COA5: variants seen among roughly 807,000 people sequenced by gnomAD.
COA5 encodes the protein cytochrome c oxidase assembly factor 5, also known as protein C2orf64.
Under a neutral mutation model 11.8 loss-of-function variants are expected in COA5, and 11 were observed. That is an observed-to-expected ratio of 0.93 (90% confidence interval 0.59 to 1.54). The LOEUF is 1.54. COA5 is among the 40% of genes most tolerant of loss of function. COA5 has a pLI of 0.00. For missense variants in COA5, 87 were observed against 89.2 expected, an observed-to-expected ratio of 0.97 and a Z score of 0.10; for synonymous variants, 38 against 37.5, an observed-to-expected ratio of 1.01 and a Z score of -0.05.
intron 1 of COA5, among the ~76,000 whole-genome samples, chr2:98,605,353 T>A (rs1056288635): frequency 2.0e-5 from 3 of 152,174 alleles, no homozygotes; most frequent in Non-Finnish European, 2.9e-5. Flanking sequence ...CTTCACTCCA[T>A]AAGGTTGCCG....
At chr2:98,605,288 GA>G (rs1187865022) in intron 1 of COA5, among the ~76,000 whole-genome samples, 1 of 152,216 alleles carries the variant, frequency 6.6e-6, no homozygotes. Flanking sequence ...GAATGTGTGG[GA>G]AACAGGTGTA....
In COA5 at chr2:98,608,452, C is replaced by T; in HGVS notation, c.-47G>A. 1.4e-6 allele frequency: 2 copies of T among 1,407,498 alleles called. No homozygotes were observed. Among genetic ancestry groups the T allele is most frequent in the Non-Finnish European group, 2.0e-6 (2 of 1,020,060 alleles). 87.2% of individuals were successfully genotyped at this position (1,407,498 alleles called of 1,614,324 possible). On this transcript the variant is annotated 5_prime_UTR_variant, in exon 1 of 3. Transcript: ENST00000328709. The stretch of plus-strand genomic sequence containing the variant: ...CGGACGCGACTTTCTCCCACCGCAA[C>T]ACTTGCAACCGGGTCGGGAGCGAGC...
At position 98,608,511 on chromosome 2, in the gene COA5, G is replaced by A; in HGVS notation, c.-106C>T. The A allele has an allele frequency of 2.2e-6, 2 of 894,560 alleles. No homozygotes were observed. Among genetic ancestry groups the A allele is most frequent in the Non-Finnish European group, 1.8e-6 (1 of 560,372 alleles). The allele number at this position is 894,560 out of a possible 1,614,324, so 55.4% of individuals were successfully genotyped here. On this transcript the variant is annotated 5_prime_UTR_variant, in exon 1 of 3. Coordinates refer to ENST00000328709, the MANE Select transcript of COA5 (RefSeq NM_001008215.3). ...AGTCTCAGGGGACCGGAAGCCAGCGGCAACAACTTCCGGCGGGCCGCGGCG... is the reference window on the plus strand; with the variant it reads ...AGTCTCAGGGGACCGGAAGCCAGCGACAACAACTTCCGGCGGGCCGCGGCG...
In COA5 at chr2:98,600,425, T is replaced by C. The variant is rs746395947; in HGVS notation, c.*327A>G. On this transcript the variant is annotated 3_prime_UTR_variant, in exon 3 of 3. Transcript: ENST00000328709. The stretch of plus-strand genomic sequence containing the variant: ...CAGTCAAATCAGTGGCCTGTACTAA[T>C]TGGGTAATTCAATTGAAGAGTCAAG... 11 of 377,830 alleles carry C rather than the reference T, an allele frequency of 2.9e-5. No homozygotes were observed. The highest frequency in any genetic ancestry group is 7.6e-5 in the South Asian group (3 of 39,328). The allele number at this position is 377,830 out of a possible 1,614,324, so 23.4% of individuals were successfully genotyped here. A position where few individuals can be genotyped will look rare whatever the true frequency, so the allele number is the denominator to read the frequency against.
intron 1 of COA5, 161 bp downstream of exon 1, chr2:98,608,146 C>T: frequency 1.6e-6 from 1 of 643,936 alleles, no homozygotes; most frequent in Admixed American, 2.4e-5. Context: ...ACTGGGGCTC[C>T]GACAGCTCAG....
At chr2:98,607,268 T>C (rs1403917519) in intron 1 of COA5, among the ~76,000 whole-genome samples, 1 of 152,216 alleles carries the variant, frequency 6.6e-6, no homozygotes, top group Non-Finnish European at 1.5e-5. Flanking sequence ...AGGAGCTGGC[T>C]GAACGGCAGC....
intron 2 of COA5, among the ~76,000 whole-genome samples, chr2:98,601,012 G>A (rs769037084): frequency 3.3e-5 from 5 of 152,158 alleles, no homozygotes; most frequent in Admixed American, 6.5e-5. Flanking sequence ...TTGGGATGAT[G>A]AGGTGGGCGG....
chr2:98,608,496 G>T lies in COA5; in HGVS notation c.-91C>A. 9.7e-7 allele frequency: 1 copy of T among 1,028,296 alleles called. No individual in the cohort carries two copies. Among genetic ancestry groups the T allele is most frequent in the Non-Finnish European group, 1.5e-6 (1 of 681,850 alleles). The allele number at this position is 1,028,296 out of a possible 1,614,324, so 63.7% of individuals were successfully genotyped here. On this transcript the variant is annotated 5_prime_UTR_variant, in exon 1 of 3. Transcript: ENST00000328709. Reference sequence around the variant, plus strand: ...AGCGAGCGAGGCCCCAGTCTCAGGGGACCGGAAGCCAGCGGCAACAACTTC... The same window carrying T: ...AGCGAGCGAGGCCCCAGTCTCAGGGTACCGGAAGCCAGCGGCAACAACTTC...
intron 2 of COA5, among the ~76,000 whole-genome samples, chr2:98,601,609 T>C (rs1700642544): frequency 6.6e-6 from 1 of 152,170 alleles, no homozygotes; most frequent in African/African-American, 2.4e-5. Context: ...GCATAGTCAA[T>C]GTCACTCCCC....
intron 2 of COA5, among the ~76,000 whole-genome samples, 178 bp from the exon 3 acceptor site, chr2:98,600,971 C>T (rs1025016210): frequency 1.3e-5 from 2 of 152,136 alleles, no homozygotes; most frequent in African/African-American, 4.8e-5. Flanking sequence ...ATTGGCAGGG[C>T]ACAGTGGCTC....
chr2:98,604,022 T>TATA, intron 2 of COA5, 86 bp downstream of exon 2: 1 of 979,756 alleles, frequency 1.0e-6, no homozygotes, highest in Non-Finnish European at 1.6e-6. Context: ...CACTGCAACT[T>TATA]ACCTATAACT....
intron 2 of COA5, chr2:98,602,754 T>C (rs1700658201): frequency 6.5e-6 from 1 of 154,466 alleles, no homozygotes; most frequent in African/African-American, 2.4e-5. Context: ...CATTTTACTT[T>C]TTATGTAAGA....
intron 2 of COA5, among the ~76,000 whole-genome samples, chr2:98,602,103 TA>T (rs1029525789): frequency 6.6e-6 from 1 of 151,876 alleles, no homozygotes; most frequent in Non-Finnish European, 1.5e-5. Context: ...GCCATACTTT[TA>T]AAAAAAAATT....
intron 1 of COA5, among the ~76,000 whole-genome samples, chr2:98,607,794 G>A (rs1700730478): frequency 6.6e-6 from 1 of 152,158 alleles, no homozygotes; most frequent in Admixed American, 6.5e-5. Context: ...ATATGGAGTT[G>A]CCTTATTTTT....
At chr2:98,608,179 G>A (rs1700737414) in intron 1 of COA5, 128 bp downstream of exon 1, 2 of 711,428 alleles carry the variant, frequency 2.8e-6, no homozygotes, top group South Asian at 3.1e-5. Context: ...CGTTCAGTGA[G>A]CCCGAGCTGT....
At chr2:98,607,374 G>A (rs1314429737) in intron 1 of COA5, among the ~76,000 whole-genome samples, 1 of 152,200 alleles carries the variant, frequency 6.6e-6, no homozygotes, top group Non-Finnish European at 1.5e-5. Flanking sequence ...GAAGTTGGGC[G>A]AGATAATCTC....
rs1700623888 is a variant in COA5, at chr2:98,600,279, T to C, written c.*473A>G. 5.5e-6 allele frequency: 1 copy of C among 182,584 alleles called. No homozygotes were observed. The highest frequency in any genetic ancestry group is 1.1e-4 in the South Asian group (1 of 8,848). 11.3% of individuals were successfully genotyped at this position (182,584 alleles called of 1,614,324 possible). ...GAGCACAAATGAAGTATTTCTTCTCTAAGGAATCAAACACAATTCATTTTA... is the reference window on the plus strand; with the variant it reads ...GAGCACAAATGAAGTATTTCTTCTCCAAGGAATCAAACACAATTCATTTTA... On this transcript the variant is annotated 3_prime_UTR_variant, in exon 3 of 3. Coordinates refer to ENST00000328709, the MANE Select transcript of COA5 (RefSeq NM_001008215.3).
At chr2:98,603,018 C>G (rs1700663023) in intron 2 of COA5, among the ~76,000 whole-genome samples, 1 of 152,184 alleles carries the variant, frequency 6.6e-6, no homozygotes, top group Non-Finnish European at 1.5e-5. Context: ...GTAAACAGAG[C>G]AGGGCCAAAT....
chr2:98,602,289 C>G (rs1220936694), intron 2 of COA5: 4 of 152,144 alleles, frequency 2.6e-5, no homozygotes, highest in South Asian at 2.1e-4. Flanking sequence ...TAACAAGTTG[C>G]ATTAACAGCG....
Sources: gnomAD v4.1 joint callset for allele counts (sites outside exome capture counted in the v4.1 genomes callset) on GRCh38, gnomAD v4.1.1 for gene constraint, MANE v1.5 for transcripts, NCBI Gene and HGNC (gene_info 2026-07-23, HGNC 2026-07-21) for gene names.